The following ASAP2 variants were observed in gnomAD, a reference collection of about 807,000 sequenced individuals.
ASAP2 encodes the protein arf-GAP with SH3 domain, ANK repeat and PH domain-containing protein 2.
In ASAP2, 45 loss-of-function variants were observed where a neutral mutation model predicts 131.4. The ratio of observed to expected loss-of-function variants is 0.34; its 90% CI spans 0.27 to 0.44. The LOEUF (loss-of-function observed/expected upper bound fraction) is 0.44. Ranked by LOEUF, ASAP2 falls within the 20% of genes least tolerant of loss-of-function variation. ASAP2 has a pLI of 1.00. For synonymous variants in ASAP2, 510 were observed against 503.0 expected (o/e 1.01, Z -0.19); for missense variants, 1,011 against 1,297.0 (o/e 0.78, Z 3.39).
chr2:9,219,337 C>T (rs1662263638), intron 1 of ASAP2, among the ~76,000 whole-genome samples: 1 of 152,126 alleles, frequency 6.6e-6, no homozygotes, highest in African/African-American at 2.4e-5. Flanking sequence ...AAGACCTAGC[C>T]AGGGAGTTAG....
chr2:9,241,109 G>A (rs1057117975), intron 1 of ASAP2, among the ~76,000 whole-genome samples: 2 of 152,220 alleles, frequency 1.3e-5, no homozygotes, highest in African/African-American at 4.8e-5. Context: ...TGGAAACTGT[G>A]GAAAATGAAA....
At chr2:9,248,478 A>T (rs181978873) in intron 1 of ASAP2, among the ~76,000 whole-genome samples, 14 of 152,104 alleles carry the variant, frequency 9.2e-5, no homozygotes, top group African/African-American at 2.9e-4. Flanking sequence ...TTGGAGTCGC[A>T]GTCCAGGGTG....
chr2:9,353,889 C>A (rs1274266573), intron 12 of ASAP2, among the ~76,000 whole-genome samples: 1 of 152,110 alleles, frequency 6.6e-6, no homozygotes, highest in African/African-American at 2.4e-5. Context: ...GTGGGGGGAT[C>A]ACTTGAGTCC....
chr2:9,367,027 A>ATTTTTTTTTTT (rs1171661319), intron 15 of ASAP2, among the ~76,000 whole-genome samples: 93 of 132,916 alleles, frequency 7.0e-4, no homozygotes, highest in African/African-American at 2.6e-3. Flanking sequence ...TGCCTGCATA[A>ATTTTTTTTTTT]TTTTTTTTTT....
chr2:9,336,238 T>A (rs966075574), intron 9 of ASAP2, among the ~76,000 whole-genome samples: 5 of 152,168 alleles, frequency 3.3e-5, no homozygotes, highest in African/African-American at 1.2e-4. Flanking sequence ...TTTCTGGGTT[T>A]ACAGTTTACA....
intron 4 of ASAP2, 27 bp downstream of exon 4, chr2:9,318,625 G>A (rs1410372310): frequency 6.4e-7 from 1 of 1,561,334 alleles, no homozygotes; most frequent in East Asian, 2.3e-5. Flanking sequence ...GTGACACCAG[G>A]GGCAGCTTTT....
At position 9,389,685 on chromosome 2, in the gene ASAP2, C is replaced by G. The variant is rs1424344805; in HGVS notation, c.2383+1139C>G. 6.6e-6 allele frequency among the ~76,000 whole-genome samples: 1 copy of G among 152,176 alleles called. No individual in the cohort carries two copies. Among genetic ancestry groups the G allele is most frequent in the Non-Finnish European group, 1.5e-5 (1 of 68,032 alleles). On this transcript the variant is annotated intron_variant, in intron 22 of 27. Transcript: ENST00000281419. The surrounding 1 kb of genome is among the most constrained non-coding windows in gnomAD (Gnocchi z 4.7). ...CTGTCATGTGAGTCACTGAGTCATACCCCGAAGAACAAACCTGCTGAGAGC... is the reference window on the plus strand; with the variant it reads ...CTGTCATGTGAGTCACTGAGTCATAGCCCGAAGAACAAACCTGCTGAGAGC...
chr2:9,311,605 C>T lies in ASAP2; in HGVS notation c.346-6919C>T, dbSNP rs1308707068. On this transcript the variant is annotated intron_variant, in intron 3 of 27. Transcript: ENST00000281419. The surrounding 1 kb of genome is among the most constrained non-coding windows in gnomAD (Gnocchi z 5.2). ...CATAGAGCATGAAAATGTCATTACT[C>T]ATAAATTGAGACTGGAGCTGCCTGA... Among the ~76,000 whole-genome samples, 1 of 152,176 alleles carries T rather than the reference C, an allele frequency of 6.6e-6. No individual in the cohort carries two copies. The highest frequency in any genetic ancestry group is 1.5e-5 in the Non-Finnish European group (1 of 68,036).
At chr2:9,228,497 G>C (rs1384808996) in intron 1 of ASAP2, among the ~76,000 whole-genome samples, 1 of 152,242 alleles carries the variant, frequency 6.6e-6, no homozygotes, top group South Asian at 2.1e-4. Context: ...TTTCTTTGGG[G>C]AAGAGTGATT....
intron 1 of ASAP2, among the ~76,000 whole-genome samples, chr2:9,209,964 G>T (rs2147924531): frequency 6.6e-6 from 1 of 152,340 alleles, no homozygotes; most frequent in South Asian, 2.1e-4. Flanking sequence ...AAAATGTGCT[G>T]TTTTGATTTG....
At chr2:9,270,417 C>T (rs1666256996) in intron 1 of ASAP2, among the ~76,000 whole-genome samples, 1 of 151,826 alleles carries the variant, frequency 6.6e-6, no homozygotes, top group Non-Finnish European at 1.5e-5. Flanking sequence ...TCTAAGATTT[C>T]AGTATTTTTT....
intron 1 of ASAP2, among the ~76,000 whole-genome samples, chr2:9,256,765 G>T (rs1665192553): frequency 6.6e-6 from 1 of 152,218 alleles, no homozygotes; most frequent in Non-Finnish European, 1.5e-5. Context: ...ATGCATTTGA[G>T]CAATTTGTAT....
intron 3 of ASAP2, among the ~76,000 whole-genome samples, chr2:9,317,117 A>ATCACTCACATCCACATTCACAC (rs139485860): frequency 2.0e-5 from 2 of 101,244 alleles, no homozygotes; most frequent in African/African-American, 3.4e-5. Context: ...ACCCCACGCA[A>ATCACTCACATCCACATTCACAC]TCACAACCAC....
Position 9,327,813 on chromosome 2 carries a change from C to T in ASAP2, c.601-13C>T, listed in dbSNP as rs774891887. On this transcript the variant is annotated splice_polypyrimidine_tract_variant and intron_variant, in intron 6 of 27. Transcript: ENST00000281419. ...GCTTACTTCCATGACATTTCCTTTT[C>T]ATTGTTCAACAGTATCTGCTGAAGG... is the stretch of plus-strand genomic sequence containing the variant. The T allele has an allele frequency of 5.1e-6, 8 of 1,576,790 alleles. No homozygotes were observed. Among genetic ancestry groups the T allele is most frequent in the Non-Finnish European group, 6.0e-6 (7 of 1,162,632 alleles).
At chr2:9,402,548 C>A (rs1676824913) in intron 27 of ASAP2, among the ~76,000 whole-genome samples, 1 of 152,156 alleles carries the variant, frequency 6.6e-6, no homozygotes, top group South Asian at 2.1e-4. Flanking sequence ...TGCCCACAAC[C>A]CACCATCCGG....
intron 2 of ASAP2, among the ~76,000 whole-genome samples, chr2:9,290,741 G>A (rs1667759452): frequency 1.3e-5 from 2 of 152,184 alleles, no homozygotes; most frequent in Admixed American, 1.3e-4. Context: ...TGAGCGCTGG[G>A]TCTGAGGCCC....
At chr2:9,240,082 ATTT>A (rs1355205569) in intron 1 of ASAP2, among the ~76,000 whole-genome samples, 6 of 151,930 alleles carry the variant, frequency 3.9e-5, no homozygotes, top group South Asian at 2.1e-4. Flanking sequence ...TGTAGATAAG[ATTT>A]TCACAGTTGA....
chr2:9,263,584 C>T (rs1051846043), intron 1 of ASAP2, among the ~76,000 whole-genome samples: 5 of 152,238 alleles, frequency 3.3e-5, no homozygotes, highest in Non-Finnish European at 7.3e-5. Flanking sequence ...GGGATCCTGG[C>T]GAAGCCCATG....
At chr2:9,285,100 G>A (rs1403587494) in intron 2 of ASAP2, among the ~76,000 whole-genome samples, 1 of 152,134 alleles carries the variant, frequency 6.6e-6, no homozygotes, top group Non-Finnish European at 1.5e-5. Flanking sequence ...TGAGAGTGGG[G>A]CCCTCATGAT....
Sources: gnomAD v4.1 joint callset for allele counts (sites outside exome capture counted in the v4.1 genomes callset) on GRCh38, gnomAD v4.1.1 for gene constraint, Gnocchi (gnomAD v3.1) non-coding constraint, MANE v1.5 for transcripts, NCBI Gene and HGNC (gene_info 2026-07-23, HGNC 2026-07-21) for gene names.